The following DYNC1I1 variants were observed in gnomAD, a reference collection of about 807,000 sequenced individuals.
The protein encoded by DYNC1I1 is dynein cytoplasmic 1 intermediate chain 1, also known as cytoplasmic dynein 1 intermediate chain 1.
DYNC1I1 carries 43 observed loss-of-function variants against 86.6 expected under a neutral mutation model. The ratio of observed to expected loss-of-function variants is 0.50; its 90% confidence interval spans 0.39 to 0.64. The LOEUF (loss-of-function observed/expected upper bound fraction) is 0.64. DYNC1I1 is among the 30% of genes least tolerant of loss of function. DYNC1I1 has a pLI of 0.00. For missense variants in DYNC1I1, 604 were observed against 788.8 expected (o/e 0.77, Z 2.81); for synonymous variants, 262 against 283.7 (o/e 0.92, Z 0.77).
intron 14 of DYNC1I1, among the ~76,000 whole-genome samples, chr7:96,060,721 TG>T (rs1046499099): frequency 3.9e-5 from 6 of 152,046 alleles, no homozygotes; most frequent in African/African-American, 1.4e-4. Context: ...AGGCTGTGCA[TG>T]TGTTGGGGAA....
At chr7:96,100,650 T>TGTGTGTGTGTGTGTGTG (rs1791119550), downstream of DYNC1I1, among the ~76,000 whole-genome samples, 3 of 142,848 alleles carry the variant, frequency 2.1e-5, no homozygotes, top group South Asian at 4.8e-4. Flanking sequence ...TTTGAGGGTT[T>TGTGTGTGTGTGTGTGTG]TGTGTGTGTG....
rs189207646 is a variant in DYNC1I1, at chr7:96,107,619, C to T, written c.1543-2360C>T. ...CAATCTCAGCTCACTGTAATCTCCACCTCCTGGGTTCAAGGGATTCTCCTG... is the reference window on the plus strand; with the variant it reads ...CAATCTCAGCTCACTGTAATCTCCATCTCCTGGGTTCAAGGGATTCTCCTG... On this transcript the variant is annotated intron_variant, in intron 16 of 16. Coordinates refer to the DYNC1I1 transcript ENST00000537881. 2.7e-3 allele frequency among the ~76,000 whole-genome samples: 403 copies of T among 151,716 alleles called. 1 individual carries two copies. Among genetic ancestry groups the T allele is most frequent in the African/African-American group, 9.1e-3 (378 of 41,332 alleles).
At chr7:96,102,437 CT>C (rs1786037990), downstream of DYNC1I1, among the ~76,000 whole-genome samples, 1 of 152,106 alleles carries the variant, frequency 6.6e-6, no homozygotes, top group Non-Finnish European at 1.5e-5. Flanking sequence ...TTCAGTGGAG[CT>C]TTTTAGAATC....
intron 6 of DYNC1I1, among the ~76,000 whole-genome samples, chr7:95,941,659 C>A (rs925867984): frequency 6.6e-6 from 1 of 152,194 alleles, no homozygotes; most frequent in East Asian, 1.9e-4. Flanking sequence ...GTTGGAAAAG[C>A]GCAGTCTTGG....
intron 6 of DYNC1I1, among the ~76,000 whole-genome samples, chr7:95,878,282 G>GT (rs555048771): frequency 1.3e-3 from 201 of 152,060 alleles, no homozygotes; most frequent in African/African-American, 4.6e-3. Context: ...GTGTGTATGT[G>GT]TTTTTTCAAA....
intron 7 of DYNC1I1, among the ~76,000 whole-genome samples, chr7:95,979,371 C>G (rs1281431551): frequency 2.0e-5 from 3 of 152,190 alleles, no homozygotes; most frequent in Non-Finnish European, 2.9e-5. Context: ...TTTTAAAAAA[C>G]TCAACAGGGC....
At chr7:96,070,395 A>C (rs1433265913) in intron 14 of DYNC1I1, among the ~76,000 whole-genome samples, 1 of 152,184 alleles carries the variant, frequency 6.6e-6, no homozygotes, top group Non-Finnish European at 1.5e-5. Context: ...TCACATTTTA[A>C]TGTTTCCTGG....
intron 6 of DYNC1I1, among the ~76,000 whole-genome samples, chr7:95,924,813 C>T (rs971175877): frequency 6.6e-6 from 1 of 152,086 alleles, no homozygotes; most frequent in South Asian, 2.1e-4. Context: ...AAAGAAATAC[C>T]GTAAACTGCA....
intron 10 of DYNC1I1, among the ~76,000 whole-genome samples, chr7:95,999,840 A>C (rs946860981): frequency 6.6e-6 from 1 of 152,068 alleles, no homozygotes; most frequent in African/African-American, 2.4e-5. Context: ...TTCAATTGTA[A>C]AGTTTATTTC....
chr7:95,801,073 T>A (rs957301973), intron 1 of DYNC1I1, among the ~76,000 whole-genome samples: 2 of 152,232 alleles, frequency 1.3e-5, no homozygotes, highest in African/African-American at 4.8e-5. Flanking sequence ...TATGAGGCAT[T>A]CTCTTGAGGT....
intron 6 of DYNC1I1, among the ~76,000 whole-genome samples, chr7:95,929,593 A>G (rs1445967034): frequency 6.6e-6 from 1 of 152,156 alleles, no homozygotes; most frequent in Non-Finnish European, 1.5e-5. Context: ...GGAGTGTACA[A>G]CTTGATATTT....
At chr7:95,941,281 G>A (rs375884089) in intron 6 of DYNC1I1, among the ~76,000 whole-genome samples, 4,870 of 151,776 alleles carry the variant, frequency 0.032, 215 homozygotes, top group African/African-American at 0.097. Context: ...CAGTCTGCCC[G>A]TTCTCAGATC....
intron 6 of DYNC1I1, among the ~76,000 whole-genome samples, chr7:95,963,919 G>C (rs1792938239): frequency 6.6e-6 from 1 of 152,118 alleles, no homozygotes; most frequent in African/African-American, 2.4e-5. Context: ...CAGTTTCTTG[G>C]ATTAGACAAA....
At chr7:95,884,934 A>G (rs1205356743) in intron 6 of DYNC1I1, among the ~76,000 whole-genome samples, 1 of 152,246 alleles carries the variant, frequency 6.6e-6, no homozygotes, top group Admixed American at 6.5e-5. Context: ...CAATATAAAA[A>G]AAATTCATGT....
intron 10 of DYNC1I1, among the ~76,000 whole-genome samples, chr7:96,021,593 A>G (rs866990060): frequency 2.0e-5 from 3 of 152,196 alleles, no homozygotes; most frequent in Non-Finnish European, 4.4e-5. Context: ...ACAAAGTTGG[A>G]CAATTAGCAT....
chr7:95,804,456 C>T (rs922279236), intron 1 of DYNC1I1: 30 of 1,084,948 alleles, frequency 2.8e-5, no homozygotes, highest in East Asian at 9.6e-5. Flanking sequence ...CTGGAAGTTG[C>T]GATTCTTGCT....
At chr7:95,858,952 T>C (rs1789801485) in intron 5 of DYNC1I1, among the ~76,000 whole-genome samples, 1 of 146,892 alleles carries the variant, frequency 6.8e-6, no homozygotes, top group Admixed American at 6.8e-5. Flanking sequence ...TAATATATAA[T>C]ATATAATTAA....
At chr7:95,838,069 G>A (rs1193369065) in intron 5 of DYNC1I1, among the ~76,000 whole-genome samples, 1 of 152,160 alleles carries the variant, frequency 6.6e-6, no homozygotes, top group Non-Finnish European at 1.5e-5. Context: ...TGCCTTTGTT[G>A]CCTGTGCTTT....
At chr7:95,869,777 T>A in intron 5 of DYNC1I1, 106 bp from the exon 6 acceptor site, 1 of 1,091,386 alleles carries the variant, frequency 9.2e-7, no homozygotes, top group Non-Finnish European at 1.4e-6. Context: ...ACTCAGAAGC[T>A]GAGGGTATTT....
Sources: allele counts gnomAD v4.1 joint callset (sites outside exome capture counted in the v4.1 genomes callset), GRCh38; gene constraint gnomAD v4.1.1; transcripts MANE v1.5; gene names NCBI Gene and HGNC (gene_info 2026-07-23, HGNC 2026-07-21).